The following ARHGAP27 variants were observed in gnomAD, a reference collection of about 807,000 sequenced individuals.
ARHGAP27 encodes Rho GTPase activating protein 27.
In ARHGAP27, 53 loss-of-function variants were observed where a neutral mutation model predicts 102.0. The observed-to-expected ratio is 0.52, with a 90% CI of 0.42 to 0.65. The LOEUF is 0.65. Ranked by LOEUF, ARHGAP27 falls within the 30% of genes least tolerant of loss-of-function variation. The probability of loss-of-function intolerance (pLI) is 0.00; values close to 1 mark genes in which losing one functional copy is unlikely to be tolerated. For missense variants in ARHGAP27, 1,117 were observed against 1,256.2 expected, an observed-to-expected ratio of 0.89 and a Z score of 1.68; for synonymous variants, 525 against 542.8, an observed-to-expected ratio of 0.97 and a Z score of 0.46.
At chr17:45,407,525 T>C (rs368198791) in intron 4 of ARHGAP27, 3 of 150,928 alleles carry the variant, frequency 2.0e-5, no homozygotes, top group African/African-American at 4.9e-5. Flanking sequence ...TTTTCTTTTT[T>C]TTTTTTTGAG....
At chr17:45,428,692 CTG>C (rs2049826497) in intron 4 of ARHGAP27, among the ~76,000 whole-genome samples, 1 of 152,202 alleles carries the variant, frequency 6.6e-6, no homozygotes, top group Non-Finnish European at 1.5e-5. Context: ...CAGAGGTCAT[CTG>C]TCCAACCCCT....
intron 4 of ARHGAP27, among the ~76,000 whole-genome samples, chr17:45,423,145 C>T: frequency 6.6e-6 from 1 of 152,112 alleles, no homozygotes; most frequent in East Asian, 1.9e-4. Flanking sequence ...CACGCCACTG[C>T]ACTCCAGCCT....
rs944832019 is a variant in ARHGAP27 at position 45,405,990 on chromosome 17, C to A, written c.751G>T (p.Val251Leu). ...GAAAAPLPSP[V>L]WETHTDAGTG... ...CCCGCGTCCGTGTGCGTCTCCCACA[C>A]CGGGCTGGGAAGGGGGGCTGCAGCG... Residue 251 changes from valine to leucine, a missense_variant, in exon 5 of 20, where the codon GTG (valine) becomes TTG (leucine). Physicochemically the swap from Val to Leu is conservative, Grantham distance 32. Coordinates refer to ENST00000685559, the MANE Select transcript of ARHGAP27 (RefSeq NM_001282290.2). The A allele has an allele frequency of 6.5e-6, 10 of 1,535,686 alleles. No individual in the cohort carries two copies. In the African/African-American group the frequency reaches 6.8e-5, roughly 11 times the overall value.
intron 4 of ARHGAP27, chr17:45,408,907 C>CT (rs1174099142): frequency 2.0e-5 from 3 of 152,278 alleles, no homozygotes; most frequent in African/African-American, 7.2e-5. Context: ...GAGAGCAAGA[C>CT]TAAGGATAAT....
At chr17:45,397,263 C>T (rs2045865585) in intron 13 of ARHGAP27, 4 of 1,397,896 alleles carry the variant, frequency 2.9e-6, no homozygotes, top group Non-Finnish European at 2.8e-6. Context: ...TGTTCTCCCA[C>T]ACCCCTTCCT....
intron 4 of ARHGAP27, among the ~76,000 whole-genome samples, chr17:45,413,741 C>T (rs970361216): frequency 1.3e-5 from 2 of 152,066 alleles, no homozygotes; most frequent in Non-Finnish European, 2.9e-5. Context: ...CCTCAGGGCT[C>T]ACAACGCTTG....
intron 4 of ARHGAP27, among the ~76,000 whole-genome samples, chr17:45,423,159 C>T (rs144761252): frequency 6.6e-4 from 100 of 151,748 alleles, no homozygotes; most frequent in Middle Eastern, 3.4e-3. Context: ...CCAGCCTGGG[C>T]GACATCTCAA....
chr17:45,418,807 C>T (rs1279295101), intron 4 of ARHGAP27, among the ~76,000 whole-genome samples: 2 of 151,934 alleles, frequency 1.3e-5, no homozygotes, highest in Non-Finnish European at 2.9e-5. Flanking sequence ...GGCAGGGTGG[C>T]TTTTGTACCC....
rs909889696 is a variant in ARHGAP27, at chr17:45,427,116, G to A, written c.657+2507C>T. ...ACCTGATTTCCCTCCCACCTCCCTC[G>A]GCCCCCAGACCCTGCCCATCCATCT... On this transcript the variant is annotated intron_variant, in intron 4 of 19. Transcript: ENST00000685559. The surrounding 1 kb of genome is among the most constrained non-coding windows in gnomAD (Gnocchi z 4.5). Among the ~76,000 whole-genome samples the A allele has an allele frequency of 1.3e-4, 20 of 150,450 alleles. No homozygotes were observed. Among genetic ancestry groups the A allele is most frequent in the African/African-American group, 4.9e-4 (20 of 40,756 alleles).
chr17:45,409,867 G>A (rs553492619), intron 4 of ARHGAP27: 16 of 221,716 alleles, frequency 7.2e-5, no homozygotes, highest in Non-Finnish European at 1.3e-4. Context: ...GCCTGACTAC[G>A]GGATCAATGG....
chr17:45,432,560 C>T (rs1041138784), intron 1 of ARHGAP27, among the ~76,000 whole-genome samples, 192 bp downstream of exon 1: 2 of 152,204 alleles, frequency 1.3e-5, no homozygotes. Flanking sequence ...TTCTCCTCCC[C>T]GTGGGATGCG....
chr17:45,429,440 G>A, intron 4 of ARHGAP27, 183 bp downstream of exon 4: 1 of 1,426,858 alleles, frequency 7.0e-7, no homozygotes. Context: ...TGCTGATGAG[G>A]GACTGCGGGC....
Position 45,430,090 on chromosome 17 carries a change from C to A in ARHGAP27, c.190G>T (p.Val64Leu). ...TTGCCCAGCGCGGGCAGCTCGCGCACGTACTGCGCAGGCAGGTAGAAGGGG... is the reference window on the plus strand; with the variant it reads ...TTGCCCAGCGCGGGCAGCTCGCGCAAGTACTGCGCAGGCAGGTAGAAGGGG... ...GRPFYLPAQY[V>L]RELPALGNPA... Residue 64 changes from valine to leucine, a missense_variant, in exon 4 of 20, where the codon GTG (valine) becomes TTG (leucine). Around this residue, in one of 3 missense-constraint regions of ARHGAP27, gnomAD observed 610 missense variants for 716.4 expected, o/e 0.85. Transcript: ENST00000685559. This position sits in a 1 kb window ranked among gnomAD's most constrained non-coding sequence, Gnocchi z 4.4. 1 of 1,477,036 alleles carries A rather than the reference C, an allele frequency of 6.8e-7. No homozygotes were observed. Among genetic ancestry groups the A allele is most frequent in the Non-Finnish European group, 8.9e-7 (1 of 1,124,128 alleles). The allele number at this position is 1,477,036 out of a possible 1,614,324, so 91.5% of individuals were successfully genotyped here. A position where few individuals can be genotyped will look rare whatever the true frequency, so the allele number is the denominator to read the frequency against.
chr17:45,422,821 T>G (rs939820546), intron 4 of ARHGAP27, among the ~76,000 whole-genome samples: 5 of 152,182 alleles, frequency 3.3e-5, no homozygotes, highest in African/African-American at 1.2e-4. Context: ...AAATGAAAGT[T>G]TGAATAATAC....
rs2050017422 is a variant in ARHGAP27, at chr17:45,430,945, C to T, written c.-18-648G>A. Reference sequence around the variant, plus strand: ...GCCTCCGCTGCCAATGCAGGGGAACCGGTTCTCTCGGTTTCTCTTTCCTTC... The same window carrying T: ...GCCTCCGCTGCCAATGCAGGGGAACTGGTTCTCTCGGTTTCTCTTTCCTTC... On this transcript the variant is annotated intron_variant, in intron 3 of 19. Coordinates refer to ENST00000685559, the MANE Select transcript of ARHGAP27 (RefSeq NM_001282290.2). This position sits in a 1 kb window ranked among gnomAD's most constrained non-coding sequence, Gnocchi z 4.4. Among the ~76,000 whole-genome samples the T allele has an allele frequency of 6.6e-6, 1 of 152,098 alleles. No individual in the cohort carries two copies. The highest frequency in any genetic ancestry group is 2.1e-4 in the South Asian group (1 of 4,822).
In ARHGAP27 at chr17:45,396,789, G is replaced by A. The variant is rs149723446; in HGVS notation, c.1953C>T (p.Ala651=). ...GGCCCACGGGGCCCAGGGCGGGCGC[G>A]GCTGCCGCGGGGAAAGGCAGGACTG... ...EKEEDARPNA[A]APALGPVGLE... Residue 651 remains alanine, a splice_region_variant and synonymous_variant, in exon 15 of 20, where the codon GCC becomes GCT. Transcript: ENST00000685559. 55 of 1,609,852 alleles carry A rather than the reference G, an allele frequency of 3.4e-5. No individual in the cohort carries two copies. The African/African-American group carries it at 6.0e-4, about 18-fold the overall frequency.
intron 4 of ARHGAP27, among the ~76,000 whole-genome samples, chr17:45,417,203 C>T (rs1434530830): frequency 1.3e-5 from 2 of 151,622 alleles, no homozygotes; most frequent in African/African-American, 2.4e-5. Flanking sequence ...GTGGCTTATG[C>T]CTGTAATCCC....
rs2045682143 is a variant in ARHGAP27 at position 45,396,449 on chromosome 17, C to T, written c.2173+38G>A. On this transcript the variant is annotated intron_variant, in intron 16 of 19. Transcript: ENST00000685559. ...GTCCTGGCAGGAGGCCTGCGGGCAC[C>T]CCAATGCCTGCCGCCCTCACCCCCG... 6 of 1,496,676 alleles carry T rather than the reference C, an allele frequency of 4.0e-6. No homozygotes were observed. In the East Asian group the frequency reaches 1.5e-4, roughly 37 times the overall value. The allele number at this position is 1,496,676 out of a possible 1,614,324, so 92.7% of individuals were successfully genotyped here. A position where few individuals can be genotyped will look rare whatever the true frequency, so the allele number is the denominator to read the frequency against.
At chr17:45,410,561 G>T (rs1273820890) in intron 4 of ARHGAP27, 7 of 598,072 alleles carry the variant, frequency 1.2e-5, no homozygotes, top group Non-Finnish European at 2.5e-6. Flanking sequence ...CCAGTGAGCC[G>T]CATCCGAGGC....
Sources: allele counts gnomAD v4.1 joint callset (sites outside exome capture counted in the v4.1 genomes callset), GRCh38; gene constraint gnomAD v4.1.1; regional missense constraint gnomAD v4.1.1; non-coding constraint Gnocchi (gnomAD v3.1); transcripts MANE v1.5; gene names NCBI Gene and HGNC (gene_info 2026-07-23, HGNC 2026-07-21).